The following UBAP2 variants were observed in gnomAD, a reference collection of about 807,000 sequenced individuals.
UBAP2 encodes ubiquitin-associated protein 2.
Under a neutral mutation model 139.6 loss-of-function variants are expected in UBAP2, and 75 were observed. That is an observed-to-expected ratio of 0.54 (90% CI 0.45 to 0.65). The LOEUF (loss-of-function observed/expected upper bound fraction) is 0.65, where lower values mean the gene tolerates loss of function less well. UBAP2 is among the 30% of genes least tolerant of loss of function. The probability of loss-of-function intolerance (pLI) is 0.00; values close to 1 mark genes in which losing one functional copy is unlikely to be tolerated. For missense variants in UBAP2, 1,368 were observed against 1,369.6 expected (o/e 1.00, Z 0.02); for synonymous variants, 526 against 526.2 (o/e 1.00, Z 0.01).
At chr9:34,002,672 G>A (rs7862891) in intron 2 of UBAP2, among the ~76,000 whole-genome samples, 19,225 of 151,894 alleles carry the variant, frequency 0.13, 1,546 homozygotes, top group African/African-American at 0.22. Flanking sequence ...CACCCGCCCA[G>A]CCTTAACATC....
chr9:34,022,984 T>C (rs1304169695), intron 1 of UBAP2, among the ~76,000 whole-genome samples: 3 of 151,914 alleles, frequency 2.0e-5, no homozygotes, highest in Admixed American at 6.6e-5. Context: ...CCCAGCACTT[T>C]GGGAGGCCGA....
At chr9:34,016,610 C>T (rs1056303756) in intron 2 of UBAP2, among the ~76,000 whole-genome samples, 4 of 151,194 alleles carry the variant, frequency 2.6e-5, no homozygotes. Context: ...GGCTGGAGGG[C>T]AGTGGCGTGA....
In UBAP2 at chr9:34,005,713, TCAAA is replaced by T. The variant is rs1823147376; in HGVS notation, c.100-6853_100-6850del. Among the ~76,000 whole-genome samples the T allele has an allele frequency of 2.0e-5, 3 of 151,984 alleles. No homozygotes were observed. The South Asian group carries it at 6.2e-4, about 32-fold the overall frequency. ...GAATGGGAGAAAAGAAAGCAAAGTG[TCAAA>T]CACTGAAGATAGGCAAAAGACAACC... On this transcript the variant is annotated intron_variant, in intron 2 of 28. Coordinates refer to ENST00000379238, the MANE Select transcript of UBAP2 (RefSeq NM_001370062.2).
Position 33,923,936 on chromosome 9 carries a change from C to A in UBAP2, c.2655G>T (p.Gln885His), listed in dbSNP as rs142128588. ...ASPAPATTPA[Q>H]PQQSQSQTHH... ...GGGTCTGTGATTGGCTCTGCTGTGGCTGAGCTGGTGTGGTAGCGGGTGCAG... is the reference window on the plus strand; with the variant it reads ...GGGTCTGTGATTGGCTCTGCTGTGGATGAGCTGGTGTGGTAGCGGGTGCAG... Residue 885 changes from glutamine to histidine, a missense_variant, in exon 24 of 29, where the codon CAG becomes CAT. Transcript: ENST00000379238. 1 of 1,614,072 alleles carries A rather than the reference C, an allele frequency of 6.2e-7. No individual in the cohort carries two copies.
rs141541169 is a variant in UBAP2, at chr9:34,033,332, T to G, written c.-42+15493A>C. 9.9e-5 allele frequency among the ~76,000 whole-genome samples: 15 copies of G among 152,156 alleles called. No individual in the cohort carries two copies. In the East Asian group the frequency reaches 2.9e-3, roughly 29 times the overall value. On this transcript the variant is annotated intron_variant, in intron 1 of 28. Coordinates refer to ENST00000379238, the MANE Select transcript of UBAP2 (RefSeq NM_001370062.2). ...GAAACAACGTGGATAGAACCGGAGATCATTATGTTAAGTGAAATAACCCAG... is the reference window on the plus strand; with the variant it reads ...GAAACAACGTGGATAGAACCGGAGAGCATTATGTTAAGTGAAATAACCCAG...
At chr9:34,047,416 TC>T (rs1324391716) in intron 1 of UBAP2, among the ~76,000 whole-genome samples, 7 of 152,240 alleles carry the variant, frequency 4.6e-5, no homozygotes, top group African/African-American at 1.4e-4. Flanking sequence ...TGGAATACAT[TC>T]CCTTTCCTGA....
In UBAP2 at chr9:33,989,119, C is replaced by A; in HGVS notation, c.296G>T (p.Trp99Leu). ...LLEGNSDTTS[W>L]ETVGCKKKNF... is the part of the protein sequence containing the mutation. ...CTTTTTCTTACACCCTACAGTCTCCCATGAAGTCTATCAGAGAGAACGGCT... is the reference window on the plus strand; with the variant it reads ...CTTTTTCTTACACCCTACAGTCTCCAATGAAGTCTATCAGAGAGAACGGCT... The change falls in exon 5 of 29, where the codon TGG becomes TTG. Residue 99 changes from tryptophan to leucine, a missense_variant. Coordinates refer to ENST00000379238, the MANE Select transcript of UBAP2 (RefSeq NM_001370062.2). The A allele has an allele frequency of 6.2e-7, 1 of 1,609,852 alleles. No individual in the cohort carries two copies. Among genetic ancestry groups the A allele is most frequent in the South Asian group, 1.1e-5 (1 of 90,190 alleles).
At position 33,989,101 on chromosome 9, in the gene UBAP2, T is replaced by C; in HGVS notation, c.314A>G (p.Lys105Arg). 1 of 1,613,816 alleles carries C rather than the reference T, an allele frequency of 6.2e-7. No individual in the cohort carries two copies. The highest frequency in any genetic ancestry group is 8.5e-7 in the Non-Finnish European group (1 of 1,179,950). Residue 105 changes from lysine (K) to arginine (R), a missense_variant, in exon 5 of 29, where the codon AAG becomes AGG. Coordinates refer to ENST00000379238, the MANE Select transcript of UBAP2 (RefSeq NM_001370062.2). ...ATTTTCTTTTGCAAAATTCTTTTTC[T>C]TACACCCTACAGTCTCCCATGAAGT... ...DTTSWETVGC[K>R]KKNFAKENSE...
chr9:33,952,068 A>C (rs965666877), intron 12 of UBAP2, among the ~76,000 whole-genome samples: 2 of 152,242 alleles, frequency 1.3e-5, no homozygotes, highest in South Asian at 2.1e-4. Context: ...ACTAAGGAAA[A>C]GTTTAAATAT....
chr9:34,018,322 T>C (rs1004522589), intron 1 of UBAP2, among the ~76,000 whole-genome samples: 1 of 151,494 alleles, frequency 6.6e-6, no homozygotes, highest in Non-Finnish European at 1.5e-5. Context: ...TGTAACACTA[T>C]AATTGTTTTT....
At chr9:34,017,017 GA>G (rs11432780) in intron 2 of UBAP2, 32 bp downstream of exon 2, 33,066 of 1,219,068 alleles carry the variant, frequency 0.027, 1 homozygote, top group South Asian at 0.051. Context: ...GAAAAAAAAG[GA>G]AAAAAAAAAA....
At chr9:33,968,137 GACA>G in intron 8 of UBAP2, 1 of 563,254 alleles carries the variant, frequency 1.8e-6, no homozygotes, top group African/African-American at 1.9e-5. Flanking sequence ...AACTCAACAG[GACA>G]CAGACAAATC....
At chr9:33,981,245 G>GATAT (rs748761524) in intron 6 of UBAP2, among the ~76,000 whole-genome samples, 3 of 32,310 alleles carry the variant, frequency 9.3e-5, no homozygotes, top group Non-Finnish European at 1.9e-4. Context: ...ATATATTCTG[G>GATAT]ATATATATAT....
Position 33,923,944 on chromosome 9 carries a change from G to C in UBAP2, c.2647C>G (p.Pro883Ala), listed in dbSNP as rs765949922. ...GATTGGCTCTGCTGTGGCTGAGCTG[G>C]TGTGGTAGCGGGTGCAGGGGATGCA... ...DSASPAPATT[P>A]AQPQQSQSQT... Residue 883 changes from proline (P) to alanine (A), a missense_variant, in exon 24 of 29, where the codon CCA becomes GCA. Physicochemically the swap from Pro to Ala is conservative, Grantham distance 27. Coordinates refer to ENST00000379238, the MANE Select transcript of UBAP2 (RefSeq NM_001370062.2). The C allele has an allele frequency of 2.5e-6, 4 of 1,614,186 alleles. No individual in the cohort carries two copies. In the Admixed American group the frequency reaches 6.7e-5, roughly 27 times the overall value.
At chr9:33,993,753 T>C (rs1681587241) in intron 4 of UBAP2, among the ~76,000 whole-genome samples, 1 of 152,202 alleles carries the variant, frequency 6.6e-6, no homozygotes, top group African/African-American at 2.4e-5. Context: ...TGAACAAGTG[T>C]ATTCTTTCAC....
Position 33,988,953 on chromosome 9 carries a change from A to AG in UBAP2, c.442+19dup. ...TGAGATGAAAGAAGAGAAAAAACTG[A>AG]GGAGAAAGTCTGTACTTACATTCTC... On this transcript the variant is annotated intron_variant, in intron 5 of 28. Transcript: ENST00000379238. The AG allele has an allele frequency of 6.3e-7, 1 of 1,591,840 alleles. No individual in the cohort carries two copies. Among genetic ancestry groups the AG allele is most frequent in the South Asian group, 1.2e-5 (1 of 86,850 alleles).
chr9:34,049,158 G>A (rs1827895108), upstream of UBAP2, among the ~76,000 whole-genome samples: 1 of 152,334 alleles, frequency 6.6e-6, no homozygotes, highest in South Asian at 2.1e-4. Context: ...CCGCATACAA[G>A]GTGCCCACAA....
chr9:33,955,968 G>C, intron 11 of UBAP2, 111 bp downstream of exon 11: 3 of 792,214 alleles, frequency 3.8e-6, no homozygotes, highest in Non-Finnish European at 6.1e-6. Context: ...GTTAGCCTTG[G>C]ATAAAAAGGG....
rs1482023328 is a variant in UBAP2 at position 33,948,420 on chromosome 9, C to G, written c.1224G>C (p.Trp408Cys). Residue 408 changes from tryptophan (W) to cysteine (C), a missense_variant, in exon 13 of 29, where the codon TGG becomes TGC. Transcript: ENST00000379238. ...ACTGGGATGTTGGGGGCTTGAGGTC[C>G]CAAGAAGTAGTAGTTGTAGGGTGAC... ...STSHPTTTTS[W>C]DLKPPTSQSS... The G allele has an allele frequency of 6.2e-7, 1 of 1,613,570 alleles. No individual in the cohort carries two copies. Among genetic ancestry groups the G allele is most frequent in the South Asian group, 1.1e-5 (1 of 91,010 alleles).
Sources: allele counts gnomAD v4.1 joint callset (sites outside exome capture counted in the v4.1 genomes callset), GRCh38; gene constraint gnomAD v4.1.1; transcripts MANE v1.5; gene names NCBI Gene and HGNC (gene_info 2026-07-23, HGNC 2026-07-21).